Variants in OR6N1 observed in about 807,000 individuals in gnomAD.
The protein encoded by OR6N1 is olfactory receptor family 6 subfamily N member 1.
For missense variants in OR6N1, 394 were observed against 371.7 expected (o/e 1.06, Z -0.49); for synonymous variants, 170 against 150.7 (o/e 1.13, Z -0.94).
the OR6N1 span, chr1:158,809,473 GC>G: frequency 6.6e-6 from 1 of 152,150 alleles, no homozygotes; most frequent in Non-Finnish European, 1.5e-5. Context: ...AGGAACTGAA[GC>G]CCCAAAAGCA....
At chr1:158,773,579 T>C (rs73015561), upstream of OR6N1, among the ~76,000 whole-genome samples, 3,069 of 152,338 alleles carry the variant, frequency 0.02, 112 homozygotes, top group African/African-American at 0.07. Context: ...CTCAATTTCA[T>C]TGAACTCTAG....
the OR6N1 span, among the ~76,000 whole-genome samples, chr1:158,800,917 C>A: frequency 0.01 from 1,576 of 152,304 alleles, 44 homozygotes; most frequent in East Asian, 0.069. Flanking sequence ...GCTTGGTCTT[C>A]AGAGAACCTT....
chr1:158,832,353 T>C, the OR6N1 span, among the ~76,000 whole-genome samples: 1 of 151,862 alleles, frequency 6.6e-6, no homozygotes, highest in Non-Finnish European at 1.5e-5. Context: ...AGTAAGCTTG[T>C]TAATTATGTT....
the OR6N1 span, among the ~76,000 whole-genome samples, chr1:158,819,098 A>G: frequency 5.9e-5 from 9 of 152,118 alleles, no homozygotes; most frequent in South Asian, 2.1e-4. Flanking sequence ...CACAGCCACA[A>G]CTTCTGTAAT....
At chr1:158,793,160 T>C in the OR6N1 span, among the ~76,000 whole-genome samples, 1 of 151,956 alleles carries the variant, frequency 6.6e-6, no homozygotes, top group African/African-American at 2.4e-5. Context: ...TCTAGAAAAT[T>C]TTTTATGCAT....
At chr1:158,798,878 A>G in the OR6N1 span, among the ~76,000 whole-genome samples, 2 of 152,242 alleles carry the variant, frequency 1.3e-5, no homozygotes, top group African/African-American at 2.4e-5. Context: ...ACCTCCTTCC[A>G]CTGCATGGCA....
the OR6N1 span, among the ~76,000 whole-genome samples, chr1:158,811,822 C>T: frequency 2.0e-5 from 3 of 152,238 alleles, no homozygotes; most frequent in East Asian, 1.9e-4. Context: ...TGAAAAATTT[C>T]CTGAGAGGGC....
At chr1:158,818,636 G>C in the OR6N1 span, among the ~76,000 whole-genome samples, 1,226 of 152,232 alleles carry the variant, frequency 8.1e-3, 18 homozygotes, top group African/African-American at 0.028. Context: ...AGAAGGCATG[G>C]GTACCTCTGC....
the OR6N1 span, among the ~76,000 whole-genome samples, chr1:158,835,903 CTTTCA>C: frequency 5.1e-3 from 741 of 146,604 alleles, 9 homozygotes; most frequent in African/African-American, 0.017. Flanking sequence ...TTTTTTTTGT[CTTTCA>C]TTCTGGTAAT....
chr1:158,776,942 A>T, upstream of OR6N1: 2 of 1,614,058 alleles, frequency 1.2e-6, no homozygotes, highest in Non-Finnish European at 1.7e-6. Flanking sequence ...TTTCTTCCTG[A>T]TGCTGTTTTT....
At chr1:158,789,175 T>C in the OR6N1 span, among the ~76,000 whole-genome samples, 8 of 152,290 alleles carry the variant, frequency 5.3e-5, no homozygotes, top group African/African-American at 1.9e-4. Context: ...AATGACAAGA[T>C]TTCATTCTTT....
rs772334526 is a variant in OR6N1, at chr1:158,766,508, T to C, written c.175A>G (p.Met59Val). The C allele has an allele frequency of 3.1e-6, 5 of 1,614,012 alleles. No homozygotes were observed. The highest frequency in any genetic ancestry group is 2.2e-5 in the East Asian group (1 of 44,872). Residue 59 changes from methionine to valine, a missense_variant, in exon 2 of 2, where the codon ATG (methionine) becomes GTG (valine). Coordinates refer to ENST00000641846, the MANE Select transcript of OR6N1 (RefSeq NM_001005185.2). ...VCLDSRLHTPMYHFVSILSFS... is the reference protein window; with the variant it reads ...VCLDSRLHTPVYHFVSILSFS... The stretch of plus-strand genomic sequence containing the variant: ...GAGAGAATGCTGACAAAGTGGTACA[T>C]GGGTGTGTGAAGCCGGGAGTCCAGG...
the OR6N1 span, among the ~76,000 whole-genome samples, chr1:158,802,222 T>TG: frequency 2.1e-4 from 22 of 107,036 alleles, no homozygotes; most frequent in Non-Finnish European, 3.7e-5. Flanking sequence ...TTTTTTTTTT[T>TG]TTTGAAACGG....
intron 1 of OR6N1, among the ~76,000 whole-genome samples, chr1:158,767,017 A>G (rs1201971026): frequency 6.6e-6 from 1 of 152,186 alleles, no homozygotes; most frequent in Non-Finnish European, 1.5e-5. Flanking sequence ...GGTATTTCTA[A>G]TCCAAGGTAT....
chr1:158,785,293 G>C, the OR6N1 span, among the ~76,000 whole-genome samples: 1 of 151,932 alleles, frequency 6.6e-6, no homozygotes, highest in African/African-American at 2.4e-5. Context: ...GTGCTTTAAG[G>C]TATTTTTAGA....
At chr1:158,795,289 T>G in the OR6N1 span, among the ~76,000 whole-genome samples, 3 of 152,120 alleles carry the variant, frequency 2.0e-5, no homozygotes, top group African/African-American at 7.2e-5. Context: ...CAGCCTTCAC[T>G]CAGAAGACTT....
the OR6N1 span, among the ~76,000 whole-genome samples, chr1:158,778,270 C>T: frequency 2.0e-5 from 3 of 152,092 alleles, no homozygotes; most frequent in Non-Finnish European, 2.9e-5. Flanking sequence ...GCAGACATCT[C>T]AATAGGATTT....
the OR6N1 span, among the ~76,000 whole-genome samples, chr1:158,834,338 T>C: frequency 6.6e-6 from 1 of 150,872 alleles, no homozygotes; most frequent in Admixed American, 6.6e-5. Context: ...GTTCACGCCA[T>C]TCTCCTGCCT....
At chr1:158,827,640 G>A in the OR6N1 span, among the ~76,000 whole-genome samples, 1 of 152,202 alleles carries the variant, frequency 6.6e-6, no homozygotes, top group Admixed American at 6.5e-5. Context: ...GAACAGTAAT[G>A]ATCCTAGCAA....
Sources: allele counts gnomAD v4.1 joint callset (sites outside exome capture counted in the v4.1 genomes callset), GRCh38; gene constraint gnomAD v4.1.1; transcripts MANE v1.5; gene names NCBI Gene and HGNC (gene_info 2026-07-23, HGNC 2026-07-21).